The following ARHGAP29 variants were observed in gnomAD, a reference collection of about 807,000 sequenced individuals.
ARHGAP29 encodes rho GTPase-activating protein 29.
Under a neutral mutation model 122.6 loss-of-function variants are expected in ARHGAP29, and 43 were observed. That is an observed-to-expected ratio of 0.35 (90% CI 0.27 to 0.45). ARHGAP29 has a LOEUF of 0.45. ARHGAP29 is among the 20% of genes least tolerant of loss of function. The pLI is 1.00. For missense variants in ARHGAP29, 1,303 were observed against 1,477.2 expected (o/e 0.88, Z 1.93); for synonymous variants, 506 against 497.1 (o/e 1.02, Z -0.24).
chr1:94,228,338 C>T (rs1482401954), intron 2 of ARHGAP29, among the ~76,000 whole-genome samples: 2 of 151,728 alleles, frequency 1.3e-5, no homozygotes, highest in Non-Finnish European at 3.0e-5. Flanking sequence ...TGCCAACATT[C>T]AGAACAATGT....
intron 19 of ARHGAP29, 40 bp downstream of exon 19, chr1:94,184,111 T>A (rs756242592): frequency 6.3e-7 from 1 of 1,585,390 alleles, no homozygotes; most frequent in East Asian, 2.2e-5. Context: ...TTTTTGCTGT[T>A]TTTAATTTAA....
intron 3 of ARHGAP29, among the ~76,000 whole-genome samples, chr1:94,211,491 C>G (rs1467841479): frequency 6.6e-6 from 1 of 152,040 alleles, no homozygotes; most frequent in Non-Finnish European, 1.5e-5. Context: ...GAGAACAACA[C>G]TATCTACCAC....
At position 94,174,458 on chromosome 1, in the gene ARHGAP29, C is replaced by A. The variant is rs138109111; in HGVS notation, c.3197G>T (p.Cys1066Phe). 3.7e-6 allele frequency: 6 copies of A among 1,614,084 alleles called. No individual in the cohort carries two copies. In the African/African-American group the frequency reaches 6.7e-5, roughly 18 times the overall value. The change falls in exon 23 of 23, where the codon TGT becomes TTT. Residue 1066 changes from cysteine (C) to phenylalanine (F), a missense_variant. This residue lies in a region of ARHGAP29 where 620 missense variants were observed against 651.2 expected (regional missense o/e 0.95). Transcript: ENST00000260526. Reference sequence around the variant, plus strand: ...CTGGTCAAAGCCATTAAATTTGGAACAAACAGTAGTAGCAGCGTCTTTTCT... The same window carrying A: ...CTGGTCAAAGCCATTAAATTTGGAAAAAACAGTAGTAGCAGCGTCTTTTCT... The part of the protein sequence containing the change: ...VNRKDAATTV[C>F]SKFNGFDQQT...
the ARHGAP29 span, among the ~76,000 whole-genome samples, chr1:94,293,865 T>G: frequency 2.0e-5 from 3 of 152,182 alleles, no homozygotes; most frequent in Non-Finnish European, 4.4e-5. Context: ...CATGATTTAT[T>G]AAACCACTGG....
intron 1 of ARHGAP29, chr1:94,250,427 T>C (rs1654038465): frequency 6.6e-6 from 1 of 152,202 alleles, no homozygotes; most frequent in Admixed American, 6.5e-5. Flanking sequence ...GAAGAAGTAA[T>C]GGAAGCCTGC....
rs536495557 is a variant in ARHGAP29, at chr1:94,261,140, C to G, written c.-33+13872G>C. On this transcript the variant is annotated intron_variant and NMD_transcript_variant, in intron 1 of 25. Transcript: ENST00000552844. ...TATCCAGAGATTCTGAATGTACACT[C>G]TCCTCTTAGACATCAACACTTGGAA... Among the ~76,000 whole-genome samples, 12 of 152,306 alleles carry G rather than the reference C, an allele frequency of 7.9e-5. No individual in the cohort carries two copies. The South Asian group carries it at 2.5e-3, about 32-fold the overall frequency.
At chr1:94,253,636 A>ACACGCAAG in intron 1 of ARHGAP29, among the ~76,000 whole-genome samples, 1 of 149,348 alleles carries the variant, frequency 6.7e-6, no homozygotes, top group East Asian at 2.0e-4. Flanking sequence ...TCTGGAACAC[A>ACACGCAAG]CACGCACGCA....
At chr1:94,260,757 A>G (rs1654529918) in intron 1 of ARHGAP29, among the ~76,000 whole-genome samples, 1 of 152,196 alleles carries the variant, frequency 6.6e-6, no homozygotes, top group Non-Finnish European at 1.5e-5. Context: ...GTTGGCTGGT[A>G]GTGGCAGGAA....
Position 94,174,467 on chromosome 1 carries a change from G to C in ARHGAP29, c.3188C>G (p.Thr1063Ser), listed in dbSNP as rs1648959703. 6.2e-7 allele frequency: 1 copy of C among 1,614,220 alleles called. No homozygotes were observed. Among genetic ancestry groups the C allele is most frequent in the East Asian group, 2.2e-5 (1 of 44,886 alleles). The change falls in exon 23 of 23, where the codon ACT becomes AGT. Residue 1063 changes from threonine to serine, a missense_variant. Coordinates refer to ENST00000260526, the MANE Select transcript of ARHGAP29 (RefSeq NM_004815.4). ...GCCATTAAATTTGGAACAAACAGTA[G>C]TAGCAGCGTCTTTTCTATTAACTCC... ...FEGVNRKDAATTVCSKFNGFD... is the reference protein window; with the variant it reads ...FEGVNRKDAASTVCSKFNGFD...
chr1:94,295,742 T>TCCACACAATGTGGAATCTTCTAATG, the ARHGAP29 span, among the ~76,000 whole-genome samples: 132 of 151,604 alleles, frequency 8.7e-4, no homozygotes, highest in African/African-American at 3.1e-3. Context: ...ATCTTCTAAT[T>TCCACACAATGTGGAATCTTCTAATG]CCACACAATG....
chr1:94,284,732 G>A, the ARHGAP29 span, among the ~76,000 whole-genome samples: 46 of 152,186 alleles, frequency 3.0e-4, no homozygotes, highest in Admixed American at 3.3e-4. Context: ...CTGATACTCC[G>A]AGATTGTTTG....
At chr1:94,312,056 T>C in the ARHGAP29 span, among the ~76,000 whole-genome samples, 1 of 152,312 alleles carries the variant, frequency 6.6e-6, no homozygotes, top group East Asian at 1.9e-4. Context: ...AACAACACCT[T>C]TCTCCTACAT....
intron 2 of ARHGAP29, among the ~76,000 whole-genome samples, chr1:94,229,176 T>C (rs971549642): frequency 5.3e-5 from 8 of 151,720 alleles, no homozygotes; most frequent in Admixed American, 5.2e-4. Flanking sequence ...AGAAAAGAAG[T>C]CCAGGGATAT....
chr1:94,228,398 T>C (rs993417111), intron 2 of ARHGAP29, among the ~76,000 whole-genome samples: 1 of 151,820 alleles, frequency 6.6e-6, no homozygotes, highest in Non-Finnish European at 1.5e-5. Context: ...GTAAAACTGA[T>C]AGCATCTGGT....
At position 94,207,895 on chromosome 1, in the gene ARHGAP29, G is replaced by A. The variant is rs532135546; in HGVS notation, c.510+937C>T. 3.3e-5 allele frequency among the ~76,000 whole-genome samples: 5 copies of A among 151,968 alleles called. No individual in the cohort carries two copies. In the South Asian group the frequency reaches 1.0e-3, roughly 32 times the overall value. ...AGACAGAGTCGCACTGGCTAGAGAG[G>A]AATGACACAATCACAGCTCACTGCA... On this transcript the variant is annotated intron_variant, in intron 5 of 22. Transcript: ENST00000260526.
At chr1:94,188,422 CCTA>C (rs1411069893) in intron 15 of ARHGAP29, among the ~76,000 whole-genome samples, 1 of 151,684 alleles carries the variant, frequency 6.6e-6, no homozygotes, top group African/African-American at 2.4e-5. Context: ...AAGGTGGCTA[CCTA>C]CATTCACATA....
upstream of ARHGAP29, among the ~76,000 whole-genome samples, chr1:94,241,028 G>A (rs892270196): frequency 6.6e-6 from 1 of 152,058 alleles, no homozygotes; most frequent in African/African-American, 2.4e-5. Context: ...GACATCTAGT[G>A]GGCAGAGGAC....
At chr1:94,260,383 T>G (rs547684459) in intron 1 of ARHGAP29, among the ~76,000 whole-genome samples, 4 of 152,166 alleles carry the variant, frequency 2.6e-5, no homozygotes, top group Non-Finnish European at 5.9e-5. Flanking sequence ...AGGGATTTCT[T>G]ACACTTTCAA....
intron 2 of ARHGAP29, among the ~76,000 whole-genome samples, chr1:94,229,265 C>T (rs569805817): frequency 2.0e-5 from 3 of 151,838 alleles, no homozygotes; most frequent in Admixed American, 2.0e-4. Context: ...ATAGTTAGAG[C>T]ATTTTAAACA....
Sources: allele counts gnomAD v4.1 joint callset (sites outside exome capture counted in the v4.1 genomes callset), GRCh38; gene constraint gnomAD v4.1.1; regional missense constraint gnomAD v4.1.1; transcripts MANE v1.5; gene names NCBI Gene and HGNC (gene_info 2026-07-23, HGNC 2026-07-21).